Variants in OR51B5 observed in about 807,000 individuals in gnomAD.
OR51B5 encodes the protein olfactory receptor 51B5.
For synonymous variants in OR51B5, 186 were observed against 144.8 expected (o/e 1.28, Z -2.04); for missense variants, 456 against 374.6 (o/e 1.22, Z -1.79).
At chr11:5,425,932 GAA>G (rs1850442740) in intron 1 of OR51B5, among the ~76,000 whole-genome samples, 1 of 152,242 alleles carries the variant, frequency 6.6e-6, no homozygotes, top group Non-Finnish European at 1.5e-5. Context: ...AGCGTAAAAA[GAA>G]AAGAGACAGA....
At chr11:5,381,010 C>T (rs2133718136) in intron 1 of OR51B5, among the ~76,000 whole-genome samples, 1 of 152,238 alleles carries the variant, frequency 6.6e-6, no homozygotes, top group Admixed American at 6.5e-5. Context: ...GAATCTCCTA[C>T]TTCACCAAGC....
intron 1 of OR51B5, among the ~76,000 whole-genome samples, chr11:5,379,876 C>A (rs538888116): frequency 6.6e-6 from 1 of 152,102 alleles, no homozygotes; most frequent in Non-Finnish European, 1.5e-5. Flanking sequence ...CTTGCATGCA[C>A]TTGCTCTTTG....
intron 1 of OR51B5, among the ~76,000 whole-genome samples, chr11:5,361,348 G>C (rs1168080044): frequency 6.6e-6 from 1 of 152,144 alleles, no homozygotes. Context: ...GGAGGAGAGA[G>C]GAGTGGGCCG....
At chr11:5,418,312 G>A (rs1170272037) in intron 1 of OR51B5, among the ~76,000 whole-genome samples, 3 of 152,036 alleles carry the variant, frequency 2.0e-5, no homozygotes, top group African/African-American at 4.8e-5. Context: ...GCTAGATGAC[G>A]AGTTAGTGGG....
intron 1 of OR51B5, among the ~76,000 whole-genome samples, chr11:5,399,052 G>T (rs1849926713): frequency 6.6e-6 from 1 of 152,144 alleles, no homozygotes; most frequent in Non-Finnish European, 1.5e-5. Flanking sequence ...CTAGCTTCTT[G>T]AACCTGTCTG....
At chr11:5,377,907 A>G (rs900963029) in intron 1 of OR51B5, among the ~76,000 whole-genome samples, 22 of 152,168 alleles carry the variant, frequency 1.4e-4, no homozygotes, top group African/African-American at 5.1e-4. Flanking sequence ...TATAGATTCA[A>G]TGCCATCCCC....
At position 5,389,487 on chromosome 11, in the gene OR51B5, C is replaced by G. The variant is rs1202014228; in HGVS notation, n.85-42577G>C. 5 of 1,613,890 alleles carry G rather than the reference C, an allele frequency of 3.1e-6. No homozygotes were observed. In the African/African-American group the frequency reaches 4.0e-5, roughly 13 times the overall value. ...CCCATATTCTATCTCACCAGCTTTC[C>G]TGGATTGGAAGGCATCAAACACTGG... is the stretch of plus-strand genomic sequence containing the variant. On this transcript the variant is annotated intron_variant and non_coding_transcript_variant, in intron 1 of 4. Transcript: ENST00000415970.
chr11:5,412,731 G>C (rs1304175442), intron 1 of OR51B5, among the ~76,000 whole-genome samples: 1 of 152,028 alleles, frequency 6.6e-6, no homozygotes, highest in African/African-American at 2.4e-5. Context: ...CGGCAGCCAG[G>C]CTGGGGGAGG....
intron 1 of OR51B5, among the ~76,000 whole-genome samples, chr11:5,425,235 A>G (rs1274400693): frequency 1.3e-5 from 2 of 152,100 alleles, no homozygotes; most frequent in African/African-American, 2.4e-5. Flanking sequence ...TCAAAAGAAA[A>G]TTTTTGTCAA....
Position 5,455,691 on chromosome 11 carries a change from G to A in OR51B5, n.84+49878C>T, listed in dbSNP as rs1473336028. The A allele has an allele frequency of 2.0e-5, 3 of 152,122 alleles. No homozygotes were observed. The East Asian group carries it at 5.8e-4, about 29-fold the overall frequency. 9.4% of individuals were successfully genotyped at this position (152,122 alleles called of 1,614,324 possible). On this transcript the variant is annotated intron_variant and non_coding_transcript_variant, in intron 1 of 4. Transcript: ENST00000415970. ...TGGAAACTCATCCAGAAACCACGTA[G>A]TAGCAAAGCATATTGTTATCTAGAG... is the stretch of plus-strand genomic sequence containing the variant.
At chr11:5,354,994 G>A (rs1408844917) in intron 1 of OR51B5, 23 of 161,146 alleles carry the variant, frequency 1.4e-4, no homozygotes, top group African/African-American at 7.2e-5. Context: ...GAAAGGTGAT[G>A]TGCTCTGGGA....
At chr11:5,414,519 T>C (rs1411973889) in intron 1 of OR51B5, among the ~76,000 whole-genome samples, 2 of 151,968 alleles carry the variant, frequency 1.3e-5, no homozygotes, top group African/African-American at 4.8e-5. Flanking sequence ...CCCATCAGTG[T>C]GTTGTATTCA....
At chr11:5,495,851 T>C (rs1851643144) in intron 1 of OR51B5, among the ~76,000 whole-genome samples, 1 of 152,232 alleles carries the variant, frequency 6.6e-6, no homozygotes, top group Non-Finnish European at 1.5e-5. Flanking sequence ...ACTTTAGCTT[T>C]AAGGACACGC....
intron 1 of OR51B5, among the ~76,000 whole-genome samples, chr11:5,476,292 G>T (rs1851303695): frequency 6.6e-6 from 1 of 152,136 alleles, no homozygotes; most frequent in Non-Finnish European, 1.5e-5. Flanking sequence ...TTCATATTTT[G>T]CATATCAAAA....
At chr11:5,370,236 A>T (rs927219070) in intron 1 of OR51B5, among the ~76,000 whole-genome samples, 1 of 152,218 alleles carries the variant, frequency 6.6e-6, no homozygotes, top group African/African-American at 2.4e-5. Flanking sequence ...AGTAAATCCT[A>T]AAGTTGAAGG....
rs1324496323 is a variant in OR51B5, at chr11:5,486,489, G to A, written n.84+19080C>T. ...GAAGAAATGTGGGGGCATGTGACACGAAAATGTAAGACTCTGCTTTGGGAG... is the reference window on the plus strand; with the variant it reads ...GAAGAAATGTGGGGGCATGTGACACAAAAATGTAAGACTCTGCTTTGGGAG... On this transcript the variant is annotated intron_variant and non_coding_transcript_variant, in intron 1 of 4. Transcript: ENST00000415970. Among the ~76,000 whole-genome samples the A allele has an allele frequency of 1.3e-3, 4 of 2,982 alleles. No homozygotes were observed. The South Asian group carries it at 0.3, about 224-fold the overall frequency. The allele number at this position is 2,982 out of a possible 152,430, so 2.0% of individuals were successfully genotyped here.
intron 1 of OR51B5, among the ~76,000 whole-genome samples, chr11:5,393,855 C>T (rs927803321): frequency 6.6e-6 from 1 of 152,078 alleles, no homozygotes; most frequent in East Asian, 1.9e-4. Flanking sequence ...CAATATCAAG[C>T]GCATCTGATT....
At chr11:5,395,229 T>A (rs1310133142) in intron 1 of OR51B5, among the ~76,000 whole-genome samples, 1 of 152,156 alleles carries the variant, frequency 6.6e-6, no homozygotes, top group Non-Finnish European at 1.5e-5. Context: ...GAGAGACAGC[T>A]TTATAAGTGC....
At chr11:5,480,412 T>C (rs1158632789) in intron 1 of OR51B5, among the ~76,000 whole-genome samples, 8 of 150,902 alleles carry the variant, frequency 5.3e-5, no homozygotes, top group Admixed American at 5.3e-4. Flanking sequence ...GCAGGAAAGA[T>C]CCAAAATTGA....
Sources: gnomAD v4.1 joint callset for allele counts (sites outside exome capture counted in the v4.1 genomes callset) on GRCh38, gnomAD v4.1.1 for gene constraint, MANE v1.5 for transcripts, NCBI Gene and HGNC (gene_info 2026-07-23, HGNC 2026-07-21) for gene names.